Variants in RSF1 observed in about 807,000 individuals in gnomAD.
RSF1 encodes HBV pX-associated protein 8.
A neutral mutation model predicts 145.2 loss-of-function variants in RSF1; 13 were observed. The observed-to-expected ratio is 0.09, with a 90% CI of 0.06 to 0.14. The LOEUF (loss-of-function observed/expected upper bound fraction) is 0.14. RSF1 is among the 10% of genes least tolerant of loss of function. RSF1 has a pLI of 1.00. For synonymous variants in RSF1, 577 were observed against 592.6 expected (o/e 0.97, Z 0.38); for missense variants, 1,517 against 1,718.2 (o/e 0.88, Z 2.07).
intron 5 of RSF1, among the ~76,000 whole-genome samples, chr11:77,716,594 G>C (rs1042281765): frequency 4.6e-5 from 7 of 152,180 alleles, no homozygotes; most frequent in African/African-American, 1.7e-4. Context: ...GAGTAGAATA[G>C]TGGTTATGAG....
chr11:77,683,351 A>G (rs1239535582), intron 11 of RSF1, among the ~76,000 whole-genome samples: 1 of 152,112 alleles, frequency 6.6e-6, no homozygotes, highest in African/African-American at 2.4e-5. Flanking sequence ...AAAGTATGTT[A>G]AAGCAAAAGA....
At chr11:77,689,652 T>C (rs1960098544) in intron 9 of RSF1, among the ~76,000 whole-genome samples, 1 of 152,288 alleles carries the variant, frequency 6.6e-6, no homozygotes, top group African/African-American at 2.4e-5. Context: ...ACTATATTAT[T>C]GGTTCATATG....
chr11:77,737,621 G>GGGTGTGTGTGTGTGT (rs1491534916), intron 4 of RSF1, among the ~76,000 whole-genome samples: 99 of 93,530 alleles, frequency 1.1e-3, no homozygotes, highest in Admixed American at 9.1e-3. Context: ...TGTTTTGGGG[G>GGGTGTGTGTGTGTGT]GTGTGTGTGT....
chr11:77,789,952 C>T (rs1016393098), intron 1 of RSF1, among the ~76,000 whole-genome samples: 16 of 152,198 alleles, frequency 1.1e-4, no homozygotes, highest in African/African-American at 3.9e-4. Context: ...ACCTGCAGGC[C>T]TTGGGAGTGG....
At chr11:77,800,582 A>C (rs1002156237) in intron 1 of RSF1, among the ~76,000 whole-genome samples, 3 of 152,248 alleles carry the variant, frequency 2.0e-5, no homozygotes, top group Non-Finnish European at 2.9e-5. Flanking sequence ...TAAAAGAATT[A>C]ACACCAGCTG....
intron 9 of RSF1, among the ~76,000 whole-genome samples, chr11:77,685,787 C>T (rs1215867485): frequency 2.0e-5 from 3 of 152,084 alleles, no homozygotes; most frequent in Non-Finnish European, 4.4e-5. Context: ...GATGGAAAGC[C>T]ACCTTTGATT....
intron 2 of RSF1, 135 bp from the exon 3 acceptor site, chr11:77,747,263 C>T (rs1016358196): frequency 1.8e-6 from 1 of 546,264 alleles, no homozygotes; most frequent in Non-Finnish European, 3.3e-6. Context: ...AATCCAACTG[C>T]ACCCTAAAAT....
At chr11:77,672,884 T>A (rs1407860120) in intron 14 of RSF1, among the ~76,000 whole-genome samples, 1 of 152,202 alleles carries the variant, frequency 6.6e-6, no homozygotes, top group Non-Finnish European at 1.5e-5. Flanking sequence ...GGTTTCGCCA[T>A]GTTGGCCAGG....
rs920735240 is a variant in RSF1 at position 77,683,901 on chromosome 11, A to G, written c.2956-82T>C. 1.1e-5 allele frequency: 11 copies of G among 1,010,392 alleles called. No homozygotes were observed. The East Asian group carries it at 2.0e-4, about 18-fold the overall frequency. The allele number at this position is 1,010,392 out of a possible 1,614,324, so 62.6% of individuals were successfully genotyped here. A position where few individuals can be genotyped will look rare whatever the true frequency, so the allele number is the denominator to read the frequency against. ...TGGGATAAACAGTTTTGTAATCTCC[A>G]TTTAGGTAGCACATGTGAAAGGTCT... On this transcript the variant is annotated intron_variant, in intron 10 of 15. Transcript: ENST00000308488.
intron 5 of RSF1, chr11:77,703,070 T>A (rs1316867998): frequency 6.6e-6 from 1 of 152,198 alleles, no homozygotes; most frequent in Non-Finnish European, 1.5e-5. Context: ...ATTTATTCAT[T>A]GAAACATTGG....
chr11:77,845,627 A>G, the RSF1 span, among the ~76,000 whole-genome samples: 5 of 152,004 alleles, frequency 3.3e-5, no homozygotes, highest in African/African-American at 1.2e-4. Context: ...ACAGGGTTTT[A>G]CCATGTTGGC....
chr11:77,863,043 T>C, the RSF1 span, among the ~76,000 whole-genome samples: 5 of 152,082 alleles, frequency 3.3e-5, no homozygotes, highest in South Asian at 1.0e-3. Context: ...GCTTCTAAGA[T>C]GGTGGCAAGC....
At chr11:77,711,114 C>A (rs887708667) in intron 5 of RSF1, among the ~76,000 whole-genome samples, 6 of 148,210 alleles carry the variant, frequency 4.0e-5, no homozygotes, top group African/African-American at 1.0e-4. Context: ...CACATAGACA[C>A]CCCCCCTGAC....
At chr11:77,677,118 T>C in intron 12 of RSF1, 119 bp from the exon 13 acceptor site, 2 of 763,950 alleles carry the variant, frequency 2.6e-6, no homozygotes, top group Non-Finnish European at 4.3e-6. Context: ...TTTATTTTCT[T>C]CCAACAAATA....
chr11:77,868,309 C>A, the RSF1 span, among the ~76,000 whole-genome samples: 1 of 151,594 alleles, frequency 6.6e-6, no homozygotes, highest in Admixed American at 6.6e-5. Flanking sequence ...CCCGCCTCAG[C>A]CTCCCAAAGT....
At chr11:77,799,283 G>A (rs1398850347) in intron 1 of RSF1, among the ~76,000 whole-genome samples, 1 of 152,082 alleles carries the variant, frequency 6.6e-6, no homozygotes, top group Non-Finnish European at 1.5e-5. Flanking sequence ...TATGAGGCGG[G>A]AGGATCACTG....
chr11:77,800,710 A>G (rs1223093652), intron 1 of RSF1, among the ~76,000 whole-genome samples: 1 of 152,088 alleles, frequency 6.6e-6, no homozygotes, highest in Non-Finnish European at 1.5e-5. Context: ...AAAACACTCA[A>G]AATTAGCTAG....
At chr11:77,793,643 A>G (rs1948542607) in intron 1 of RSF1, among the ~76,000 whole-genome samples, 1 of 152,218 alleles carries the variant, frequency 6.6e-6, no homozygotes, top group African/African-American at 2.4e-5. Context: ...TCAGATATGG[A>G]TGTGAGGGTG....
At chr11:77,719,570 C>A (rs1960896980) in intron 5 of RSF1, among the ~76,000 whole-genome samples, 2 of 152,076 alleles carry the variant, frequency 1.3e-5, no homozygotes. Context: ...TTCTAATTTT[C>A]AATTTTAGAT....
Sources: allele counts gnomAD v4.1 joint callset (sites outside exome capture counted in the v4.1 genomes callset), GRCh38; gene constraint gnomAD v4.1.1; transcripts MANE v1.5; gene names NCBI Gene and HGNC (gene_info 2026-07-23, HGNC 2026-07-21).